TBC1D14: variants seen among roughly 807,000 people sequenced by gnomAD.
TBC1D14 encodes the protein TBC1 domain family, member 14.
In TBC1D14, 26 loss-of-function variants were observed where a neutral mutation model predicts 79.0. The ratio of observed to expected loss-of-function variants is 0.33; its 90% confidence interval spans 0.24 to 0.46. The LOEUF is 0.46. TBC1D14 is among the 20% of genes least tolerant of loss of function. The pLI, the probability that TBC1D14 is intolerant of heterozygous loss-of-function variation, is 1.00. For missense variants in TBC1D14, 769 were observed against 887.6 expected (o/e 0.87, Z 1.70); for synonymous variants, 394 against 349.9 (o/e 1.13, Z -1.40).
chr4:7,017,432 C>T (rs1721395214), intron 12 of TBC1D14, among the ~76,000 whole-genome samples: 1 of 152,184 alleles, frequency 6.6e-6, no homozygotes, highest in Admixed American at 6.5e-5. Flanking sequence ...TGCACTTTCC[C>T]TTAGAGTCCT....
At chr4:6,910,762 C>T (rs1722920049) in intron 1 of TBC1D14, among the ~76,000 whole-genome samples, 1 of 152,176 alleles carries the variant, frequency 6.6e-6, no homozygotes, top group Non-Finnish European at 1.5e-5. Flanking sequence ...GACCAGGCCA[C>T]GTGAAGTCGT....
At chr4:6,961,010 G>A (rs1014385207) in intron 2 of TBC1D14, among the ~76,000 whole-genome samples, 1 of 152,280 alleles carries the variant, frequency 6.6e-6, no homozygotes, top group Non-Finnish European at 1.5e-5. Flanking sequence ...TTAGGACACC[G>A]TGTCCTGGGG....
At chr4:6,998,850 ATTC>A (rs1719357950) in intron 5 of TBC1D14, 2 of 461,324 alleles carry the variant, frequency 4.3e-6, no homozygotes, top group Non-Finnish European at 7.9e-6. Flanking sequence ...ACTGAATCGT[ATTC>A]TTCTTTGTGT....
At chr4:6,964,368 TC>T (rs1274667379) in intron 2 of TBC1D14, among the ~76,000 whole-genome samples, 2 of 152,144 alleles carry the variant, frequency 1.3e-5, no homozygotes, top group Non-Finnish European at 2.9e-5. Flanking sequence ...GCAGCTCCTG[TC>T]CCTCCAGAGT....
intron 12 of TBC1D14, among the ~76,000 whole-genome samples, chr4:7,016,410 A>G (rs978829951): frequency 4.6e-5 from 7 of 152,220 alleles, no homozygotes; most frequent in African/African-American, 1.7e-4. Context: ...CACCGTGTGC[A>G]TTTGACTGCG....
At chr4:6,921,022 C>T (rs1225238180) in intron 1 of TBC1D14, among the ~76,000 whole-genome samples, 1 of 152,176 alleles carries the variant, frequency 6.6e-6, no homozygotes. Context: ...TCAGGTGATC[C>T]ACCTGCTTCG....
chr4:7,010,004 A>G (rs1289508062), intron 10 of TBC1D14, 56 bp downstream of exon 10: 3 of 1,591,388 alleles, frequency 1.9e-6, no homozygotes, highest in East Asian at 2.2e-5. Context: ...AAAGTCAGAT[A>G]TTGTCCAGCA....
At position 7,033,077 on chromosome 4, in the gene TBC1D14, G is replaced by A. The variant is rs975375655; in HGVS notation, c.*2685G>A. 6.6e-6 allele frequency: 1 copy of A among 152,624 alleles called. No individual in the cohort carries two copies. The highest frequency in any genetic ancestry group is 2.4e-5 in the African/African-American group (1 of 41,436). 9.5% of individuals were successfully genotyped at this position (152,624 alleles called of 1,614,324 possible). On this transcript the variant is annotated 3_prime_UTR_variant, in exon 14 of 14. Transcript: ENST00000409757. ...GTAGGACTTTTTTGAATTGTAAATA[G>A]GTGGTTTTATTAAATAAAAGTCAAT...
chr4:6,969,653 C>T (rs1716047895), intron 3 of TBC1D14, among the ~76,000 whole-genome samples: 1 of 152,120 alleles, frequency 6.6e-6, no homozygotes, highest in Admixed American at 6.5e-5. Flanking sequence ...GATCCACCTG[C>T]CTCGGCCTCC....
At chr4:7,010,597 A>G in intron 10 of TBC1D14, 56 bp from the exon 11 acceptor site, 2 of 1,582,286 alleles carry the variant, frequency 1.3e-6, no homozygotes, top group Non-Finnish European at 1.7e-6. Context: ...AAATGAACAC[A>G]CTACGGTGAC....
At position 7,025,225 on chromosome 4, in the gene TBC1D14, C is replaced by A; in HGVS notation, c.1979C>A (p.Thr660Lys). 1.9e-6 allele frequency: 3 copies of A among 1,614,238 alleles called. No homozygotes were observed. The highest frequency in any genetic ancestry group is 2.5e-6 in the Non-Finnish European group (3 of 1,180,046). The change falls in exon 13 of 14, where the codon ACG becomes AAG. Residue 660 changes from threonine (T) to lysine (K), a missense_variant. Physicochemically the swap from Thr to Lys is moderately conservative, Grantham distance 78 (BLOSUM62 -1). Coordinates refer to ENST00000409757, the MANE Select transcript of TBC1D14 (RefSeq NM_020773.3). ...GAGGAGCTGTTTGCCTCCATCGCCA[C>A]GATCCAGATGCAGAGCCGAAACAAG... The part of the protein sequence containing the change: ...PAEELFASIA[T>K]IQMQSRNKKW...
At chr4:6,963,376 C>T (rs886496934) in intron 2 of TBC1D14, among the ~76,000 whole-genome samples, 16 of 152,350 alleles carry the variant, frequency 1.1e-4, no homozygotes, top group Middle Eastern at 3.4e-3. Flanking sequence ...TGCTGGACTC[C>T]GGAGCAGCAG....
At chr4:7,004,108 A>C (rs1719944642) in intron 7 of TBC1D14, among the ~76,000 whole-genome samples, 1 of 152,190 alleles carries the variant, frequency 6.6e-6, no homozygotes, top group Non-Finnish European at 1.5e-5. Context: ...CAGCCTTCAC[A>C]CTTGTCCTTG....
chr4:6,915,335 C>G lies in TBC1D14; in HGVS notation c.-18+5384C>G, dbSNP rs912311654. 1.4e-3 allele frequency among the ~76,000 whole-genome samples: 218 copies of G among 152,312 alleles called. 2 individuals carry two copies. Among genetic ancestry groups the G allele is most frequent in the Non-Finnish European group, 5.3e-4 (36 of 67,994 alleles). The stretch of plus-strand genomic sequence containing the variant: ...GCTGGGGACAGATGCCTCAGGTCAA[C>G]CCCCTGCGACCGGGGTAGGGGGTTG... On this transcript the variant is annotated intron_variant, in intron 1 of 13. Transcript: ENST00000409757.
chr4:7,025,082 A>C lies in TBC1D14; in HGVS notation c.1836A>C (p.Glu612Asp). The change falls in exon 13 of 14, where the codon GAA (glutamate) becomes GAC (aspartate). Residue 612 changes from glutamate to aspartate, a missense_variant. This residue lies in a region of TBC1D14 where 367 missense variants were observed against 494.4 expected (regional missense o/e 0.74). Coordinates refer to ENST00000409757, the MANE Select transcript of TBC1D14 (RefSeq NM_020773.3). ...GGGACGTGTTCTGTCGCGATGGGGA[A>C]GAGTTCCTGTTCCGCACGGCCCTGG... is the stretch of plus-strand genomic sequence containing the variant. Reference protein sequence around the residue: ...RIWDVFCRDGEEFLFRTALGI... With the variant: ...RIWDVFCRDGDEFLFRTALGI... 6.2e-7 allele frequency: 1 copy of C among 1,614,184 alleles called. No homozygotes were observed. Among genetic ancestry groups the C allele is most frequent in the South Asian group, 1.1e-5 (1 of 91,076 alleles).
At chr4:6,934,977 G>A (rs371167311) in intron 2 of TBC1D14, among the ~76,000 whole-genome samples, 2 of 152,228 alleles carry the variant, frequency 1.3e-5, no homozygotes, top group African/African-American at 4.8e-5. Context: ...CTACTTGGGA[G>A]GCTGAGGTGG....
At chr4:7,005,053 A>G in intron 8 of TBC1D14, 129 bp downstream of exon 8, 1 of 878,894 alleles carries the variant, frequency 1.1e-6, no homozygotes, top group Non-Finnish European at 1.7e-6. Flanking sequence ...CTCCACGAGA[A>G]AAGGGTTTTT....
intron 2 of TBC1D14, chr4:6,954,146 C>A: frequency 1.6e-6 from 1 of 623,738 alleles, no homozygotes; most frequent in Admixed American, 2.4e-5. Flanking sequence ...CCTGCTGGGT[C>A]CAGCTTGCCT....
chr4:7,013,940 G>A (rs536106489), intron 11 of TBC1D14, among the ~76,000 whole-genome samples: 4 of 152,256 alleles, frequency 2.6e-5, no homozygotes, highest in South Asian at 2.1e-4. Context: ...TAATAGAGAC[G>A]GAGTTTCACC....
Sources: gnomAD v4.1 joint callset for allele counts (sites outside exome capture counted in the v4.1 genomes callset) on GRCh38, gnomAD v4.1.1 for gene constraint, gnomAD v4.1.1 regional missense constraint, MANE v1.5 for transcripts, NCBI Gene and HGNC (gene_info 2026-07-23, HGNC 2026-07-21) for gene names.